TNFRSF14: variants seen among roughly 807,000 people sequenced by gnomAD.
TNFRSF14 encodes the protein TNF receptor superfamily member 14.
In TNFRSF14, 18 loss-of-function variants were observed where a neutral mutation model predicts 34.1. That is an observed-to-expected ratio of 0.53 (90% CI 0.36 to 0.78). TNFRSF14 has a LOEUF of 0.78. TNFRSF14 is among the 30% of genes least tolerant of loss of function. The probability of loss-of-function intolerance (pLI) is 0.00; values close to 1 mark genes in which losing one functional copy is unlikely to be tolerated. For synonymous variants in TNFRSF14, 157 were observed against 153.2 expected, an observed-to-expected ratio of 1.02 and a Z score of -0.18; for missense variants, 352 against 379.5, an observed-to-expected ratio of 0.93 and a Z score of 0.60.
At chr1:2,554,559 C>T (rs1165715978), upstream of TNFRSF14, among the ~76,000 whole-genome samples, 3 of 152,132 alleles carry the variant, frequency 2.0e-5, no homozygotes, top group South Asian at 2.1e-4. The surrounding 1 kb of genome is among the most constrained non-coding windows in gnomAD (Gnocchi z 4.2). Flanking sequence ...TCAGCAAAGA[C>T]CTGGCACTGT....
In TNFRSF14 at chr1:2,556,685, G is replaced by C. The variant is rs769648177; in HGVS notation, c.21G>C (p.Trp7Cys). 1 of 1,609,568 alleles carries C rather than the reference G, an allele frequency of 6.2e-7. No individual in the cohort carries two copies. Among genetic ancestry groups the C allele is most frequent in the Admixed American group, 1.7e-5 (1 of 59,626 alleles). MEPPGD[W>C]GPPPWRSTPK... ...GAGGCATGGAGCCTCCTGGAGACTGGGGGCCTCCTCCCTGGAGATCCACCC... is the reference window on the plus strand; with the variant it reads ...GAGGCATGGAGCCTCCTGGAGACTGCGGGCCTCCTCCCTGGAGATCCACCC... The change falls in exon 1 of 8, where the codon TGG becomes TGC. Residue 7 changes from tryptophan to cysteine, a missense_variant. Coordinates refer to ENST00000355716, the MANE Select transcript of TNFRSF14 (RefSeq NM_003820.4).
chr1:2,563,362 G>C lies in TNFRSF14; in HGVS notation c.*89G>C. 1 of 1,565,532 alleles carries C rather than the reference G, an allele frequency of 6.4e-7. No individual in the cohort carries two copies. The highest frequency in any genetic ancestry group is 8.7e-7 in the Non-Finnish European group (1 of 1,154,182). The stretch of plus-strand genomic sequence containing the variant: ...CACCTGGCGGAACCACCGGAGCCCG[G>C]AGGCTTGGGGGCTCCGCCCTGGGCT... On this transcript the variant is annotated 3_prime_UTR_variant, in exon 8 of 8. Transcript: ENST00000355716.
At position 2,556,641 on chromosome 1, in the gene TNFRSF14, G is replaced by A. The variant is rs775504845; in HGVS notation, c.-24G>A. On this transcript the variant is annotated 5_prime_UTR_variant, in exon 1 of 8. Transcript: ENST00000355716. ...AGTTCATCCTGCTAGCTGGGTTCCC[G>A]AGCTGCCGGTCTGAGCCTGAGGCAT... The A allele has an allele frequency of 1.1e-5, 17 of 1,606,952 alleles. No individual in the cohort carries two copies. The South Asian group carries it at 1.4e-4, about 14-fold the overall frequency.
At chr1:2,560,807 G>C (rs1470644341) in intron 5 of TNFRSF14, 93 bp downstream of exon 5, 27 of 1,225,664 alleles carry the variant, frequency 2.2e-5, no homozygotes, top group Middle Eastern at 3.8e-4. Context: ...CAGCAGAAAG[G>C]CTTGAAGGTC....
Position 2,561,563 on chromosome 1 carries a change from G to T in TNFRSF14, c.552-110G>T, listed in dbSNP as rs768211714. 12 of 1,584,294 alleles carry T rather than the reference G, an allele frequency of 7.6e-6. No homozygotes were observed. The South Asian group carries it at 1.2e-4, about 16-fold the overall frequency. On this transcript the variant is annotated intron_variant, in intron 5 of 7. Coordinates refer to ENST00000355716, the MANE Select transcript of TNFRSF14 (RefSeq NM_003820.4). This position sits in a 1 kb window ranked among gnomAD's most constrained non-coding sequence, Gnocchi z 6.0. ...AGCTGCCACCAGCCCAGCCTCCCTGGGACCTGTCTTCACTGCCTGGGGCCC... is the reference window on the plus strand; with the variant it reads ...AGCTGCCACCAGCCCAGCCTCCCTGTGACCTGTCTTCACTGCCTGGGGCCC...
chr1:2,560,086 G>T, intron 4 of TNFRSF14, 108 bp downstream of exon 4: 2 of 1,424,098 alleles, frequency 1.4e-6, no homozygotes, highest in Non-Finnish European at 9.2e-7. Context: ...AGGGGCCCTG[G>T]TGAGACAGAA....
Position 2,562,292 on chromosome 1 carries a change from G to C in TNFRSF14, c.694+477G>C. 1.4e-5 allele frequency: 3 copies of C among 217,590 alleles called. No individual in the cohort carries two copies. The South Asian group carries it at 2.3e-4, about 17-fold the overall frequency. The allele number at this position is 217,590 out of a possible 1,614,324, so 13.5% of individuals were successfully genotyped here. A position where few individuals can be genotyped will look rare whatever the true frequency, so the allele number is the denominator to read the frequency against. ...TGGCCTCCTGTGCCTGGCCTCCTGGGCACTGACCCCGCTGTGTGGACCCGG... is the reference window on the plus strand; with the variant it reads ...TGGCCTCCTGTGCCTGGCCTCCTGGCCACTGACCCCGCTGTGTGGACCCGG... On this transcript the variant is annotated intron_variant, in intron 6 of 7. Coordinates refer to ENST00000355716, the MANE Select transcript of TNFRSF14 (RefSeq NM_003820.4).
At chr1:2,559,220 G>C in intron 3 of TNFRSF14, 1 of 1,369,988 alleles carries the variant, frequency 7.3e-7, no homozygotes, top group Non-Finnish European at 9.6e-7. Flanking sequence ...ATGTAGGCTG[G>C]GATTTGGGGC....
intron 3 of TNFRSF14, chr1:2,559,412 C>T (rs1279302803): frequency 1.2e-5 from 17 of 1,388,036 alleles, no homozygotes; most frequent in Middle Eastern, 3.8e-4. Context: ...CCCTACCTGC[C>T]TCTGCCATTG....
At chr1:2,555,377 A>T (rs985066731), upstream of TNFRSF14, 2 of 152,138 alleles carry the variant, frequency 1.3e-5, no homozygotes, top group African/African-American at 4.8e-5. This position sits in a 1 kb window ranked among gnomAD's most constrained non-coding sequence, Gnocchi z 6.3. Context: ...GGCTCCTGCC[A>T]CAGATTCCTG....
At chr1:2,559,029 C>G (rs1406802542) in intron 3 of TNFRSF14, 2 of 1,368,916 alleles carry the variant, frequency 1.5e-6, no homozygotes, top group Non-Finnish European at 1.9e-6. Flanking sequence ...ACGGCTCTGT[C>G]CCCTTGGAGC....
chr1:2,558,270 C>A (rs562700411), intron 2 of TNFRSF14, 73 bp from the exon 3 acceptor site: 2 of 1,535,822 alleles, frequency 1.3e-6, no homozygotes, highest in Admixed American at 4.1e-5. Flanking sequence ...GCTCTGGGCG[C>A]GGGTGGAGTG....
chr1:2,556,345 C>T (rs1202897517), upstream of TNFRSF14: 9 of 625,882 alleles, frequency 1.4e-5, no homozygotes, highest in Middle Eastern at 7.4e-4. Context: ...GGGGAGAACT[C>T]GCCCCTCCCA....
At chr1:2,559,207 T>C (rs1644266787) in intron 3 of TNFRSF14, 1 of 1,369,688 alleles carries the variant, frequency 7.3e-7, no homozygotes, top group African/African-American at 1.4e-5. Flanking sequence ...TGGGGGTTCA[T>C]GCATGTAGGC....
chr1:2,560,868 G>A, intron 5 of TNFRSF14, 154 bp downstream of exon 5: 3 of 659,212 alleles, frequency 4.6e-6, no homozygotes, highest in South Asian at 1.9e-5. Flanking sequence ...AGAGCTGCAG[G>A]GCTGAAGCCT....
Position 2,560,702 on chromosome 1 carries a change from A to G in TNFRSF14, c.539A>G (p.Gln180Arg), listed in dbSNP as rs1644296136. 7 of 1,613,190 alleles carry G rather than the reference A, an allele frequency of 4.3e-6. No individual in the cohort carries two copies. Among genetic ancestry groups the G allele is most frequent in the African/African-American group, 1.3e-5 (1 of 74,872 alleles). ...FSPNGTLEEC[Q>R]HQTKCSWLVT... is the part of the protein sequence containing the mutation. Reference sequence around the variant, plus strand: ...CCCAATGGGACCCTGGAGGAATGTCAGCACCAGACCAAGTAAGTGAACCCG... The same window carrying G: ...CCCAATGGGACCCTGGAGGAATGTCGGCACCAGACCAAGTAAGTGAACCCG... Residue 180 changes from glutamine (Q) to arginine (R), a missense_variant, in exon 5 of 8, where the codon CAG (glutamine) becomes CGG (arginine). Gln to Arg is a conservative substitution (Grantham distance 43, BLOSUM62 1). Coordinates refer to ENST00000355716, the MANE Select transcript of TNFRSF14 (RefSeq NM_003820.4).
At chr1:2,557,677 C>A (rs979049052) in intron 1 of TNFRSF14, 49 bp from the exon 2 acceptor site, 11 of 1,427,246 alleles carry the variant, frequency 7.7e-6, no homozygotes, top group Non-Finnish European at 1.0e-5. Context: ...CCTGGCAGAG[C>A]CCACAGGGCA....
rs1644341434 is a variant in TNFRSF14, at chr1:2,563,435, T to G, written c.*162T>G. 2 of 1,199,202 alleles carry G rather than the reference T, an allele frequency of 1.7e-6. No individual in the cohort carries two copies. Among genetic ancestry groups the G allele is most frequent in the African/African-American group, 1.5e-5 (1 of 65,024 alleles). The allele number at this position is 1,199,202 out of a possible 1,614,324, so 74.3% of individuals were successfully genotyped here. A position where few individuals can be genotyped will look rare whatever the true frequency, so the allele number is the denominator to read the frequency against. ...GGGAGAGGTGGGGCCCCTGCTGGGG[T>G]AGAGCTGGGGACGCCACGTGCCATT... On this transcript the variant is annotated 3_prime_UTR_variant, in exon 8 of 8. Coordinates refer to ENST00000355716, the MANE Select transcript of TNFRSF14 (RefSeq NM_003820.4).
chr1:2,562,844 C>A lies in TNFRSF14; in HGVS notation c.695-21C>A, dbSNP rs368665933. ...TGATCAGACACTGCCCCTCCCTGAC[C>A]TGTGTGTCTGTGTATTGCAGGTGAT... is the stretch of plus-strand genomic sequence containing the variant. On this transcript the variant is annotated intron_variant, in intron 6 of 7. Coordinates refer to ENST00000355716, the MANE Select transcript of TNFRSF14 (RefSeq NM_003820.4). 4 of 1,613,866 alleles carry A rather than the reference C, an allele frequency of 2.5e-6. No homozygotes were observed. In the African/African-American group the frequency reaches 4.0e-5, roughly 16 times the overall value.
Sources: gnomAD v4.1 joint callset for allele counts (sites outside exome capture counted in the v4.1 genomes callset) on GRCh38, gnomAD v4.1.1 for gene constraint, Gnocchi (gnomAD v3.1) non-coding constraint, MANE v1.5 for transcripts, NCBI Gene and HGNC (gene_info 2026-07-23, HGNC 2026-07-21) for gene names.